REXO5: variants seen among roughly 807,000 people sequenced by gnomAD.
REXO5 encodes exonuclease NEF-sp.
A neutral mutation model predicts 88.5 loss-of-function variants in REXO5; 48 were observed. The observed-to-expected ratio is 0.54, with a 90% CI of 0.43 to 0.69. The LOEUF is 0.69. Ranked by LOEUF, REXO5 falls within the 30% of genes least tolerant of loss-of-function variation. REXO5 has a pLI of 0.00. For synonymous variants in REXO5, 311 were observed against 336.5 expected (o/e 0.92, Z 0.83); for missense variants, 749 against 912.2 (o/e 0.82, Z 2.30).
chr16:20,838,118 A>G (rs916552929), intron 13 of REXO5, among the ~76,000 whole-genome samples: 1 of 151,958 alleles, frequency 6.6e-6, no homozygotes, highest in Non-Finnish European at 1.5e-5. Flanking sequence ...CTATTTTCTA[A>G]TTTTACTGAT....
In REXO5 at chr16:20,828,426, A is replaced by C. The variant is rs2081289403; in HGVS notation, c.1056-9A>C. ...CTTCCAGTATGTCAATTTTATATTG[A>C]CTTTCCAGGAAGGATATACAGTGTC... On this transcript the variant is annotated splice_polypyrimidine_tract_variant and intron_variant, in intron 10 of 19. Transcript: ENST00000261377. 1 of 1,583,742 alleles carries C rather than the reference A, an allele frequency of 6.3e-7. No individual in the cohort carries two copies. Among genetic ancestry groups the C allele is most frequent in the Admixed American group, 1.7e-5 (1 of 59,930 alleles).
intron 12 of REXO5, 113 bp downstream of exon 12, chr16:20,832,372 C>A: frequency 4.9e-6 from 3 of 607,844 alleles, no homozygotes; most frequent in South Asian, 3.1e-5. Flanking sequence ...AACTATTTAC[C>A]AAAAAATGAT....
Position 20,825,947 on chromosome 16 carries a change from A to G in REXO5, c.820A>G (p.Ser274Gly). 6.2e-7 allele frequency: 1 copy of G among 1,607,380 alleles called. No homozygotes were observed. The stretch of plus-strand genomic sequence containing the variant: ...AAACAAGATTCTGGACTACCTCACC[A>G]GGTATTTTTCACCTTGCCTGCAGCT... The part of the protein sequence containing the change: ...PENKILDYLT[S>G]FSGITKKILN... The change falls in exon 8 of 20, where the codon AGC becomes GGC. Residue 274 changes from serine (S) to glycine (G), a missense_variant and splice_region_variant. By Grantham distance (56) the Ser-to-Gly change is moderately conservative (BLOSUM62 0). Transcript: ENST00000261377.
rs2080883450 is a variant in REXO5 at position 20,806,714 on chromosome 16, T to G, written c.-3+9T>G. On this transcript the variant is annotated intron_variant, in intron 1 of 19. Coordinates refer to ENST00000261377, the MANE Select transcript of REXO5 (RefSeq NM_030941.3). Reference sequence around the variant, plus strand: ...GAACCGTTGAGAATCCGGTAACCGATGCGGACGGTAAAGCCGTTTGGGTTA... The same window carrying G: ...GAACCGTTGAGAATCCGGTAACCGAGGCGGACGGTAAAGCCGTTTGGGTTA... The G allele has an allele frequency of 1.0e-6, 1 of 987,426 alleles. No homozygotes were observed. The allele number at this position is 987,426 out of a possible 1,614,324, so 61.2% of individuals were successfully genotyped here.
intron 13 of REXO5, among the ~76,000 whole-genome samples, chr16:20,838,783 GC>G (rs1341184016): frequency 2.0e-5 from 3 of 152,144 alleles, no homozygotes. Flanking sequence ...CCCTCAGACA[GC>G]CCCCACAGTA....
intron 13 of REXO5, among the ~76,000 whole-genome samples, chr16:20,839,524 G>A (rs1451592867): frequency 6.6e-6 from 1 of 152,076 alleles, no homozygotes; most frequent in Non-Finnish European, 1.5e-5. Flanking sequence ...TCTTAGTAAT[G>A]CCGAAGGTAT....
chr16:20,825,812 G>T, intron 7 of REXO5, 21 bp from the exon 8 acceptor site: 1 of 1,545,136 alleles, frequency 6.5e-7, no homozygotes, highest in Non-Finnish European at 8.9e-7. Context: ...TCAGCAGCCT[G>T]ACTACATGTT....
intron 2 of REXO5, 150 bp downstream of exon 2, chr16:20,807,241 G>GT: frequency 1.2e-6 from 1 of 860,736 alleles, no homozygotes. Flanking sequence ...GGGAATGAGT[G>GT]TAATACCACC....
At chr16:20,810,151 G>T (rs948987404) in intron 2 of REXO5, among the ~76,000 whole-genome samples, 4 of 152,140 alleles carry the variant, frequency 2.6e-5, no homozygotes, top group Non-Finnish European at 5.9e-5. Context: ...AGGGTACCTG[G>T]TTCTTTTTAG....
intron 5 of REXO5, among the ~76,000 whole-genome samples, chr16:20,817,043 T>C (rs1163823722): frequency 2.6e-5 from 4 of 152,214 alleles, no homozygotes; most frequent in Non-Finnish European, 4.4e-5. Context: ...TAGAGTAGTA[T>C]AGGACTTATC....
At chr16:20,828,656 C>A in intron 11 of REXO5, 119 bp downstream of exon 11, 1 of 700,304 alleles carries the variant, frequency 1.4e-6, no homozygotes, top group South Asian at 1.6e-5. Flanking sequence ...GGGCCAGGTG[C>A]AGTGGCTCAT....
At chr16:20,841,301 C>A (rs1226136780) in intron 15 of REXO5, among the ~76,000 whole-genome samples, 1 of 151,998 alleles carries the variant, frequency 6.6e-6, no homozygotes, top group Non-Finnish European at 1.5e-5. Flanking sequence ...GAAGCAATAA[C>A]ATCATAAGCA....
At chr16:20,806,860 G>A (rs749670311) in intron 1 of REXO5, 92 bp from the exon 2 acceptor site, 1 of 1,488,518 alleles carries the variant, frequency 6.7e-7, no homozygotes, top group African/African-American at 1.4e-5. Flanking sequence ...GTTGAAAGCT[G>A]TCAAGCCCGT....
rs540523555 is a variant in REXO5, at chr16:20,823,690, C to T, written c.617-749C>T. ...AAGGTTTGCATAGCCCCCTTTGTTC[C>T]GTGTCAAACAAGATTTAGATGTTAC... On this transcript the variant is annotated intron_variant, in intron 6 of 19. Transcript: ENST00000261377. Among the ~76,000 whole-genome samples, 85 of 152,258 alleles carry T rather than the reference C, an allele frequency of 5.6e-4. No individual in the cohort carries two copies. The South Asian group carries it at 0.016, about 29-fold the overall frequency.
chr16:20,806,640 G>C lies in REXO5; in HGVS notation c.-68G>C. The C allele has an allele frequency of 3.2e-6, 4 of 1,231,720 alleles. No individual in the cohort carries two copies. The South Asian group carries it at 6.4e-5, about 20-fold the overall frequency. 76.3% of individuals were successfully genotyped at this position (1,231,720 alleles called of 1,614,324 possible). A position where few individuals can be genotyped will look rare whatever the true frequency, so the allele number is the denominator to read the frequency against. ...GTGGTTTTAGGCGGCGAAGCCGCTC[G>C]GCAGCACCTTCCTTCTTTGCCAGGC... On this transcript the variant is annotated 5_prime_UTR_variant, in exon 1 of 20. Transcript: ENST00000261377.
At position 20,844,758 on chromosome 16, in the gene REXO5, C is replaced by G; in HGVS notation, c.1849C>G (p.Gln617Glu). 1 of 1,614,152 alleles carries G rather than the reference C, an allele frequency of 6.2e-7. No homozygotes were observed. Among genetic ancestry groups the G allele is most frequent in the Non-Finnish European group, 8.5e-7 (1 of 1,179,990 alleles). ...TGAAACCTTCAAAGAACAGCTATTG[C>G]AGGAGCCCCGCCTCTTTCTTGGCCT... ...VSETFKEQLL[Q>E]EPRLFLGLEA... The change falls in exon 17 of 20, where the codon CAG becomes GAG. Residue 617 changes from glutamine (Q) to glutamate (E), a missense_variant. Gln to Glu is a conservative substitution (Grantham distance 29). Coordinates refer to ENST00000261377, the MANE Select transcript of REXO5 (RefSeq NM_030941.3).
At position 20,845,234 on chromosome 16, in the gene REXO5, C is replaced by G. The variant is rs1292060384; in HGVS notation, c.2117C>G (p.Ala706Gly). 1.2e-6 allele frequency: 2 copies of G among 1,612,230 alleles called. No individual in the cohort carries two copies. The highest frequency in any genetic ancestry group is 3.3e-5 in the Admixed American group (2 of 59,826). Residue 706 changes from alanine (A) to glycine (G), a missense_variant, in exon 18 of 20, where the codon GCC (alanine) becomes GGC (glycine). Transcript: ENST00000261377. ...RVVPPPFEQE[A>G]LQTLKLDHPK... ...GTACCTCCCCCCTTTGAACAGGAGG[C>G]CTTGCAGGTGAGTGAGTGAAGGCGT...
At chr16:20,848,976 A>G (rs576824354) in intron 19 of REXO5, among the ~76,000 whole-genome samples, 6 of 152,296 alleles carry the variant, frequency 3.9e-5, no homozygotes, top group African/African-American at 1.4e-4. Context: ...TATAATGTCT[A>G]TGAGCTTTTT....
intron 2 of REXO5, among the ~76,000 whole-genome samples, chr16:20,809,568 C>G (rs2080965384): frequency 6.6e-6 from 1 of 152,224 alleles, no homozygotes; most frequent in Non-Finnish European, 1.5e-5. Context: ...TGATTAGATT[C>G]AGGTTATATA....
Sources: allele counts gnomAD v4.1 joint callset (sites outside exome capture counted in the v4.1 genomes callset), GRCh38; gene constraint gnomAD v4.1.1; transcripts MANE v1.5; gene names NCBI Gene and HGNC (gene_info 2026-07-23, HGNC 2026-07-21).